The following CRYL1 variants were observed in gnomAD, a reference collection of about 807,000 sequenced individuals.
CRYL1 encodes crystallin lambda 1.
Under a neutral mutation model 36.6 loss-of-function variants are expected in CRYL1, and 29 were observed. That is an observed-to-expected ratio of 0.79 (90% confidence interval 0.59 to 1.08). CRYL1 has a LOEUF of 1.08. CRYL1 is among the 50% of genes least tolerant of loss of function. CRYL1 has a pLI of 0.00. For missense variants in CRYL1, 411 were observed against 407.9 expected (o/e 1.01, Z -0.06); for synonymous variants, 152 against 151.5 (o/e 1.00, Z -0.02).
chr13:20,504,773 C>T (rs1048856213), intron 2 of CRYL1, among the ~76,000 whole-genome samples: 4 of 152,152 alleles, frequency 2.6e-5, no homozygotes, highest in African/African-American at 9.7e-5. Flanking sequence ...TTGTGCCACC[C>T]TGTTAGAAAA....
At chr13:20,497,000 G>A (rs2033616186) in intron 2 of CRYL1, among the ~76,000 whole-genome samples, 1 of 152,110 alleles carries the variant, frequency 6.6e-6, no homozygotes, top group Non-Finnish European at 1.5e-5. Context: ...TAGGCATGGG[G>A]TTAAGGAAAA....
intron 3 of CRYL1, among the ~76,000 whole-genome samples, chr13:20,460,844 G>A (rs2032802724): frequency 6.6e-6 from 1 of 152,128 alleles, no homozygotes; most frequent in Non-Finnish European, 1.5e-5. Context: ...TGTTTTCTAA[G>A]AGTTAAGTAA....
At chr13:20,496,772 G>T (rs2033611069) in intron 2 of CRYL1, among the ~76,000 whole-genome samples, 1 of 150,760 alleles carries the variant, frequency 6.6e-6, no homozygotes, top group Non-Finnish European at 1.5e-5. Flanking sequence ...TTGAGCCCCC[G>T]AGGTGGAGGC....
intron 3 of CRYL1, among the ~76,000 whole-genome samples, chr13:20,460,564 C>A (rs139582703): frequency 8.2e-6 from 1 of 121,928 alleles, no homozygotes; most frequent in Non-Finnish European, 1.6e-5. Context: ...CTCGCTCTGT[C>A]GCCCAGGCTG....
chr13:20,407,265 G>A (rs1021883791), intron 6 of CRYL1, among the ~76,000 whole-genome samples: 6 of 151,644 alleles, frequency 4.0e-5, no homozygotes, highest in Non-Finnish European at 5.9e-5. Flanking sequence ...TGAAGTTTAG[G>A]CGCCCACACC....
At chr13:20,451,991 G>A (rs1401294669) in intron 3 of CRYL1, among the ~76,000 whole-genome samples, 4 of 151,964 alleles carry the variant, frequency 2.6e-5, no homozygotes, top group Non-Finnish European at 5.9e-5. Flanking sequence ...CAGAAACATG[G>A]CTGCAGCTGG....
intron 1 of CRYL1, among the ~76,000 whole-genome samples, chr13:20,523,069 ACCACGC>A (rs1459979287): frequency 6.6e-6 from 1 of 151,870 alleles, no homozygotes; most frequent in Non-Finnish European, 1.5e-5. Flanking sequence ...GGCATGCACC[ACCACGC>A]CCGGCTAATT....
At chr13:20,431,820 T>G in intron 5 of CRYL1, 1 of 1,359,894 alleles carries the variant, frequency 7.4e-7, no homozygotes, top group South Asian at 1.5e-5. Context: ...TTATGTCTAA[T>G]GCTATGAAAG....
chr13:20,496,581 T>C (rs2033607929), intron 2 of CRYL1, among the ~76,000 whole-genome samples: 1 of 152,116 alleles, frequency 6.6e-6, no homozygotes, highest in African/African-American at 2.4e-5. Flanking sequence ...CCAGAAACCT[T>C]AGTAAAACCA....
intron 3 of CRYL1, among the ~76,000 whole-genome samples, chr13:20,443,734 T>C (rs1298937779): frequency 6.6e-6 from 1 of 152,224 alleles, no homozygotes; most frequent in African/African-American, 2.4e-5. Flanking sequence ...CTAGAAAATC[T>C]GTATTGGCTA....
At chr13:20,448,424 C>A (rs2032500409) in intron 3 of CRYL1, among the ~76,000 whole-genome samples, 1 of 152,042 alleles carries the variant, frequency 6.6e-6, no homozygotes, top group Admixed American at 6.5e-5. Flanking sequence ...TGAGAGTAAC[C>A]AAATTCCATA....
intron 5 of CRYL1, among the ~76,000 whole-genome samples, chr13:20,413,715 T>G (rs926883284): frequency 5.3e-5 from 8 of 152,246 alleles, no homozygotes; most frequent in Non-Finnish European, 8.8e-5. Flanking sequence ...TGAAATAGTT[T>G]GTGTACACAA....
chr13:20,503,515 C>A (rs574961989), intron 2 of CRYL1, among the ~76,000 whole-genome samples: 48 of 152,272 alleles, frequency 3.2e-4, no homozygotes, highest in Admixed American at 2.3e-3. Flanking sequence ...GAAGAAGGGT[C>A]CCCAGCAGGA....
At chr13:20,465,575 T>A (rs1024527877) in intron 3 of CRYL1, among the ~76,000 whole-genome samples, 7 of 152,096 alleles carry the variant, frequency 4.6e-5, no homozygotes, top group Non-Finnish European at 1.0e-4. Flanking sequence ...TGACAATTAA[T>A]CCTGAGCAAG....
At chr13:20,420,701 T>TTTTTTTTTTGTGTGTGTG in intron 5 of CRYL1, among the ~76,000 whole-genome samples, 1 of 21,840 alleles carries the variant, frequency 4.6e-5, no homozygotes, top group African/African-American at 1.1e-4. Context: ...AAAATAGAGG[T>TTTTTTTTTTGTGTGTGTG]TGTGTGTGTG....
chr13:20,463,559 A>T (rs2032874837), intron 3 of CRYL1, among the ~76,000 whole-genome samples: 1 of 152,182 alleles, frequency 6.6e-6, no homozygotes, highest in Non-Finnish European at 1.5e-5. Context: ...ACTAGGTGTT[A>T]AACTGATTTA....
At chr13:20,467,513 C>A in intron 3 of CRYL1, among the ~76,000 whole-genome samples, 1 of 151,952 alleles carries the variant, frequency 6.6e-6, no homozygotes, top group East Asian at 1.9e-4. Context: ...ATTGAAAATG[C>A]TATGAGGTTC....
chr13:20,504,426 C>T (rs529910747), intron 2 of CRYL1, among the ~76,000 whole-genome samples: 31 of 151,508 alleles, frequency 2.0e-4, no homozygotes, highest in African/African-American at 7.3e-4. Context: ...GCCTCAGCCT[C>T]CTGAGTAGCT....
At position 20,413,350 on chromosome 13, in the gene CRYL1, A is replaced by G. The variant is rs2031572248; in HGVS notation, c.671T>C (p.Met224Thr). The stretch of plus-strand genomic sequence containing the variant: ...ATACCGCATGCCCAACCCTTCTGAC[A>G]TGACAAGGTCCAGGTCACTAGGAGA... ...IVSPSDLDLV[M>T]SEGLGMRYAF... Residue 224 changes from methionine to threonine, a missense_variant, in exon 6 of 8, where the codon ATG (methionine) becomes ACG (threonine). Physicochemically the swap from Met to Thr is moderately conservative, Grantham distance 81. Transcript: ENST00000298248. 1 of 1,613,804 alleles carries G rather than the reference A, an allele frequency of 6.2e-7. No individual in the cohort carries two copies. The highest frequency in any genetic ancestry group is 8.5e-7 in the Non-Finnish European group (1 of 1,179,830).
Sources: allele counts gnomAD v4.1 joint callset (sites outside exome capture counted in the v4.1 genomes callset), GRCh38; gene constraint gnomAD v4.1.1; transcripts MANE v1.5; gene names NCBI Gene and HGNC (gene_info 2026-07-23, HGNC 2026-07-21).